Variants in REDIC1 observed in about 807,000 individuals in gnomAD.
The protein encoded by REDIC1 is regulator of DNA class I crossover intermediates 1.
the REDIC1 span, among the ~76,000 whole-genome samples, chr12:39,833,103 C>G: frequency 6.6e-6 from 1 of 152,084 alleles, no homozygotes; most frequent in Non-Finnish European, 1.5e-5. Context: ...CAGCAAACTA[C>G]AACTGTTGAG....
At chr12:39,838,818 G>A in the REDIC1 span, among the ~76,000 whole-genome samples, 1 of 152,082 alleles carries the variant, frequency 6.6e-6, no homozygotes. Flanking sequence ...GAAGCTGGGT[G>A]TGAACTCAGC....
At chr12:39,632,546 A>G in the REDIC1 span, among the ~76,000 whole-genome samples, 1 of 152,190 alleles carries the variant, frequency 6.6e-6, no homozygotes, top group Non-Finnish European at 1.5e-5. Flanking sequence ...GTATGCATGC[A>G]TGTATATATA....
At chr12:39,783,019 GC>G in the REDIC1 span, among the ~76,000 whole-genome samples, 1 of 151,504 alleles carries the variant, frequency 6.6e-6, no homozygotes, top group Non-Finnish European at 1.5e-5. Context: ...ATCCCTCCCC[GC>G]TCCCCCCACC....
the REDIC1 span, among the ~76,000 whole-genome samples, chr12:39,667,551 G>A: frequency 6.6e-6 from 1 of 152,264 alleles, no homozygotes; most frequent in African/African-American, 2.4e-5. Context: ...CTGTTGATTT[G>A]GGGTGGAGAG....
At chr12:39,883,877 GTAT>G in the REDIC1 span, among the ~76,000 whole-genome samples, 1 of 152,138 alleles carries the variant, frequency 6.6e-6, no homozygotes, top group Admixed American at 6.5e-5. Flanking sequence ...AAACACGGAA[GTAT>G]ATTCACGTAG....
chr12:39,674,906 C>T, the REDIC1 span, among the ~76,000 whole-genome samples: 7 of 152,108 alleles, frequency 4.6e-5, no homozygotes, highest in South Asian at 2.1e-4. Context: ...AGAATCTTGG[C>T]GGTGGGGTGC....
the REDIC1 span, among the ~76,000 whole-genome samples, chr12:39,812,331 A>ATTTT: frequency 8.2e-6 from 1 of 121,984 alleles, no homozygotes; most frequent in Non-Finnish European, 1.7e-5. Context: ...ATTGGGACTA[A>ATTTT]TTTCTTTTTT....
At chr12:39,745,303 G>T in the REDIC1 span, among the ~76,000 whole-genome samples, 3 of 152,128 alleles carry the variant, frequency 2.0e-5, no homozygotes, top group African/African-American at 7.2e-5. Context: ...GGTCAAGACA[G>T]TTACTAAAAT....
the REDIC1 span, among the ~76,000 whole-genome samples, chr12:39,870,688 G>A: frequency 2.2e-3 from 332 of 152,208 alleles, no homozygotes; most frequent in African/African-American, 7.7e-3. Context: ...AATCATGTTT[G>A]CCCCTTAATC....
At chr12:39,649,925 A>C in the REDIC1 span, among the ~76,000 whole-genome samples, 1 of 151,638 alleles carries the variant, frequency 6.6e-6, no homozygotes, top group East Asian at 1.9e-4. Flanking sequence ...TTTAACTTAC[A>C]ATTATTCAAG....
the REDIC1 span, among the ~76,000 whole-genome samples, chr12:39,751,883 C>T: frequency 1.3e-5 from 2 of 152,074 alleles, no homozygotes; most frequent in Non-Finnish European, 2.9e-5. Context: ...AGGGGAACAT[C>T]ACACACCAGG....
At chr12:39,811,089 T>C in the REDIC1 span, among the ~76,000 whole-genome samples, 1 of 152,128 alleles carries the variant, frequency 6.6e-6, no homozygotes, top group South Asian at 2.1e-4. Context: ...ATTTTTTAAA[T>C]AGATGATTTA....
chr12:39,874,334 C>A, the REDIC1 span, among the ~76,000 whole-genome samples: 1 of 152,016 alleles, frequency 6.6e-6, no homozygotes, highest in Non-Finnish European at 1.5e-5. Flanking sequence ...AAATGAGGGG[C>A]CGGGCACGGT....
At chr12:39,682,521 C>A in the REDIC1 span, 1 of 905,534 alleles carries the variant, frequency 1.1e-6, no homozygotes. Context: ...AGTAGCAACT[C>A]AATATGTCCT....
the REDIC1 span, among the ~76,000 whole-genome samples, chr12:39,833,753 T>G: frequency 2.0e-5 from 3 of 152,040 alleles, 1 homozygote; most frequent in African/African-American, 7.2e-5. Context: ...TCTCTTCAAA[T>G]CTCAATCCTT....
At chr12:39,638,391 G>A in the REDIC1 span, among the ~76,000 whole-genome samples, 1 of 152,038 alleles carries the variant, frequency 6.6e-6, no homozygotes, top group Non-Finnish European at 1.5e-5. Flanking sequence ...TGCCAGCAGT[G>A]GTATCCTTAT....
At chr12:39,760,953 A>AACACACAC in the REDIC1 span, among the ~76,000 whole-genome samples, 2,104 of 101,576 alleles carry the variant, frequency 0.021, 119 homozygotes, top group African/African-American at 0.07. Flanking sequence ...GTCTCTACCA[A>AACACACAC]ACACACACAC....
chr12:39,880,533 C>T, the REDIC1 span, among the ~76,000 whole-genome samples: 3 of 152,044 alleles, frequency 2.0e-5, no homozygotes, highest in Admixed American at 2.0e-4. Flanking sequence ...ATCATACTAC[C>T]ATTAAATCAA....
chr12:39,723,616 A>C, the REDIC1 span, among the ~76,000 whole-genome samples: 1 of 152,130 alleles, frequency 6.6e-6, no homozygotes, highest in South Asian at 2.1e-4. Flanking sequence ...AATCCTAGCT[A>C]GGTTCTACCC....
Sources: allele counts gnomAD v4.1 joint callset (sites outside exome capture counted in the v4.1 genomes callset), GRCh38; gene constraint gnomAD v4.1.1; transcripts MANE v1.5; gene names NCBI Gene and HGNC (gene_info 2026-07-23, HGNC 2026-07-21).